The following GALNT13 variants were observed in gnomAD, a reference collection of about 807,000 sequenced individuals.
GALNT13 encodes the protein polypeptide N-acetylgalactosaminyltransferase 13, also known as UDP-GalNAc:polypeptide N-acetylgalactosaminyltransferase 13.
A neutral mutation model predicts 64.2 loss-of-function variants in GALNT13; 28 were observed. The ratio of observed to expected loss-of-function variants is 0.44; its 90% confidence interval spans 0.32 to 0.60. The LOEUF (loss-of-function observed/expected upper bound fraction) is 0.60, where lower values mean the gene tolerates loss of function less well. Among genes scored for constraint, GALNT13 ranks in the 20% least tolerant of loss-of-function variants. GALNT13 has a pLI of 0.05. For synonymous variants in GALNT13, 214 were observed against 224.6 expected (o/e 0.95, Z 0.42); for missense variants, 577 against 669.8 (o/e 0.86, Z 1.53).
the GALNT13 span, among the ~76,000 whole-genome samples, chr2:153,414,738 T>C: frequency 6.6e-6 from 1 of 152,198 alleles, no homozygotes; most frequent in Admixed American, 6.5e-5. Context: ...AATACTCTTA[T>C]CAGTTTTTCC....
At chr2:153,889,318 C>T (rs866282004) in intron 1 of GALNT13, among the ~76,000 whole-genome samples, 6 of 151,920 alleles carry the variant, frequency 3.9e-5, no homozygotes, top group African/African-American at 1.2e-4. Flanking sequence ...AAAAAAAATG[C>T]TCCTTATCCC....
At chr2:153,309,295 C>T in the GALNT13 span, among the ~76,000 whole-genome samples, 1 of 152,146 alleles carries the variant, frequency 6.6e-6, no homozygotes, top group East Asian at 1.9e-4. Context: ...AGTGAAGAGA[C>T]ATGAGACAGC....
intron 7 of GALNT13, among the ~76,000 whole-genome samples, chr2:154,247,464 A>G (rs575405482): frequency 4.4e-4 from 67 of 152,070 alleles, no homozygotes; most frequent in Non-Finnish European, 8.2e-4. Flanking sequence ...TTCATTTGAA[A>G]ATGCTGTTTA....
At chr2:153,846,363 A>G in the GALNT13 span, among the ~76,000 whole-genome samples, 2 of 152,144 alleles carry the variant, frequency 1.3e-5, no homozygotes, top group African/African-American at 2.4e-5. Context: ...TTTTCAGGAA[A>G]GAGATAAAAG....
chr2:153,092,912 G>T, the GALNT13 span, among the ~76,000 whole-genome samples: 1 of 152,110 alleles, frequency 6.6e-6, no homozygotes, highest in Non-Finnish European at 1.5e-5. Flanking sequence ...GTGACAGTGG[G>T]CATCCTTGTC....
chr2:154,096,450 A>G (rs1702076067), intron 3 of GALNT13, among the ~76,000 whole-genome samples: 1 of 152,070 alleles, frequency 6.6e-6, no homozygotes, highest in South Asian at 2.1e-4. Flanking sequence ...AAAAATGACA[A>G]AAATATTTCT....
chr2:153,836,853 C>A, the GALNT13 span, among the ~76,000 whole-genome samples: 2 of 152,220 alleles, frequency 1.3e-5, no homozygotes, highest in South Asian at 2.1e-4. Context: ...TTCTTTATGG[C>A]TGCATAGTAT....
chr2:153,570,345 C>G, the GALNT13 span, among the ~76,000 whole-genome samples: 5 of 152,070 alleles, frequency 3.3e-5, no homozygotes, highest in Non-Finnish European at 5.9e-5. Context: ...TTCTGGCTGT[C>G]AATCCCTTGT....
At chr2:154,134,909 C>T (rs929232248) in intron 3 of GALNT13, among the ~76,000 whole-genome samples, 10 of 152,130 alleles carry the variant, frequency 6.6e-5, no homozygotes, top group Non-Finnish European at 1.3e-4. Flanking sequence ...TCGCTTGAAC[C>T]CAGGAGGTGG....
chr2:154,097,713 A>G (rs1317115102), intron 3 of GALNT13, among the ~76,000 whole-genome samples: 1 of 152,078 alleles, frequency 6.6e-6, no homozygotes, highest in Non-Finnish European at 1.5e-5. Flanking sequence ...CATATTAGGA[A>G]TTTAACAAAA....
chr2:154,426,323 A>C (rs1007208470), intron 11 of GALNT13, among the ~76,000 whole-genome samples: 7 of 152,212 alleles, frequency 4.6e-5, no homozygotes, highest in African/African-American at 1.7e-4. Flanking sequence ...GGCCAGCAGG[A>C]GAGTCCCTCT....
the GALNT13 span, among the ~76,000 whole-genome samples, chr2:153,778,821 A>G: frequency 1.3e-5 from 2 of 152,204 alleles, no homozygotes; most frequent in Non-Finnish European, 2.9e-5. Flanking sequence ...CTGGGCTTTT[A>G]ATGTAACCAT....
chr2:153,743,899 C>A, the GALNT13 span, among the ~76,000 whole-genome samples: 1 of 152,062 alleles, frequency 6.6e-6, no homozygotes, highest in African/African-American at 2.4e-5. Flanking sequence ...GTTTTTAGAT[C>A]CCACAAATAA....
chr2:154,290,624 A>G (rs1188761753), intron 8 of GALNT13, among the ~76,000 whole-genome samples: 1 of 152,174 alleles, frequency 6.6e-6, no homozygotes. Context: ...GGAATTTAGA[A>G]GCTGGGCCAA....
the GALNT13 span, among the ~76,000 whole-genome samples, chr2:153,083,795 T>C: frequency 6.6e-6 from 1 of 152,214 alleles, no homozygotes; most frequent in African/African-American, 2.4e-5. Flanking sequence ...GAGTTCTTGC[T>C]CATGAAATCT....
the GALNT13 span, among the ~76,000 whole-genome samples, chr2:153,259,033 C>T: frequency 6.6e-6 from 1 of 152,132 alleles, no homozygotes; most frequent in Non-Finnish European, 1.5e-5. Flanking sequence ...CTGTCCAATG[C>T]TGACAATGGA....
At chr2:153,709,008 T>G in the GALNT13 span, among the ~76,000 whole-genome samples, 3 of 151,962 alleles carry the variant, frequency 2.0e-5, no homozygotes, top group African/African-American at 7.2e-5. Flanking sequence ...AGACTTAACA[T>G]AAAACTTGAA....
At chr2:154,211,662 A>G (rs1172897389) in intron 4 of GALNT13, among the ~76,000 whole-genome samples, 19 of 150,386 alleles carry the variant, frequency 1.3e-4, no homozygotes, top group Admixed American at 1.3e-3. Flanking sequence ...AAAAGAAAAG[A>G]AAAGAAAAGA....
At chr2:154,036,010 C>T (rs1402740668) in intron 3 of GALNT13, among the ~76,000 whole-genome samples, 2 of 151,878 alleles carry the variant, frequency 1.3e-5, no homozygotes, top group African/African-American at 4.8e-5. Flanking sequence ...GATTTCATTG[C>T]TTTAGTATTT....
Sources: gnomAD v4.1 joint callset for allele counts (sites outside exome capture counted in the v4.1 genomes callset) on GRCh38, gnomAD v4.1.1 for gene constraint, MANE v1.5 for transcripts, NCBI Gene and HGNC (gene_info 2026-07-23, HGNC 2026-07-21) for gene names.